The following GABRB1 variants were observed in gnomAD, a reference collection of about 807,000 sequenced individuals.
GABRB1 encodes the protein gamma-aminobutyric acid type A receptor subunit beta1, also known as gamma-aminobutyric acid receptor subunit beta-1.
Under a neutral mutation model 51.6 loss-of-function variants are expected in GABRB1, and 17 were observed. The ratio of observed to expected loss-of-function variants is 0.33; its 90% CI spans 0.23 to 0.49. The LOEUF (loss-of-function observed/expected upper bound fraction) is 0.49, where lower values mean the gene tolerates loss of function less well. Among genes scored for constraint, GABRB1 ranks in the 20% least tolerant of loss-of-function variants. GABRB1 has a pLI of 0.99. For missense variants in GABRB1, 410 were observed against 600.6 expected (o/e 0.68, Z 3.32); for synonymous variants, 247 against 218.9 (o/e 1.13, Z -1.14).
At chr4:47,372,245 G>T (rs1727221964) in intron 5 of GABRB1, among the ~76,000 whole-genome samples, 1 of 152,130 alleles carries the variant, frequency 6.6e-6, no homozygotes, top group Admixed American at 6.6e-5. Context: ...TCCGATAGTT[G>T]TAGTGTGCAG....
intron 5 of GABRB1, among the ~76,000 whole-genome samples, chr4:47,332,425 T>C (rs1408877171): frequency 6.6e-6 from 1 of 152,232 alleles, no homozygotes; most frequent in Non-Finnish European, 1.5e-5. Context: ...AATGGACATA[T>C]TCTTATGAGG....
At position 47,168,650 on chromosome 4, in the gene GABRB1, G is replaced by A. The variant is rs775546350; in HGVS notation, c.461+7181G>A. Among the ~76,000 whole-genome samples the A allele has an allele frequency of 3.9e-5, 6 of 152,058 alleles. No individual in the cohort carries two copies. The South Asian group carries it at 8.3e-4, about 21-fold the overall frequency. On this transcript the variant is annotated intron_variant, in intron 4 of 8. Transcript: ENST00000295454. The stretch of plus-strand genomic sequence containing the variant: ...GCCTGACTGTCTTCTTTGATGATAC[G>A]AAGATTGATGAGCAGATTCAGATAT...
chr4:47,029,450 A>G, upstream of GABRB1, among the ~76,000 whole-genome samples: 1 of 151,432 alleles, frequency 6.6e-6, no homozygotes, highest in Non-Finnish European at 1.5e-5. Context: ...TTTTCTGGTA[A>G]TTTCTTTATA....
intron 3 of GABRB1, among the ~76,000 whole-genome samples, chr4:47,135,173 G>A (rs78463942): frequency 0.032 from 4,892 of 152,140 alleles, 374 homozygotes; most frequent in East Asian, 0.17. Flanking sequence ...TTTTCTTCCT[G>A]GAAAAACTGG....
chr4:47,095,082 C>CT (rs962755375), intron 3 of GABRB1, among the ~76,000 whole-genome samples: 7 of 152,066 alleles, frequency 4.6e-5, no homozygotes, highest in African/African-American at 1.7e-4. Flanking sequence ...AGGAATAGGA[C>CT]TGTTACATGC....
chr4:47,406,899 G>A lies in GABRB1; in HGVS notation c.1053G>A (p.Lys351=). The A allele has an allele frequency of 1.2e-6, 2 of 1,613,918 alleles. No homozygotes were observed. Among genetic ancestry groups the A allele is most frequent in the Non-Finnish European group, 1.7e-6 (2 of 1,179,936 alleles). Residue 351 remains lysine (K), a synonymous_variant, in exon 8 of 9, where the codon AAG becomes AAA. Transcript: ENST00000295454. ...AACAAGACCAGAGTGCCAATGAGAAGAATAAACTGGAGATGAATAAAGTCC... is the reference window on the plus strand; with the variant it reads ...AACAAGACCAGAGTGCCAATGAGAAAAATAAACTGGAGATGAATAAAGTCC... ...ASKQDQSANE[K]NKLEMNKVQV... is the part of the protein sequence containing the mutation.
intron 3 of GABRB1, among the ~76,000 whole-genome samples, chr4:47,070,411 A>C (rs990123085): frequency 6.6e-6 from 1 of 151,200 alleles, no homozygotes; most frequent in East Asian, 1.9e-4. Flanking sequence ...ACCTGACTGC[A>C]ACCTCCACCT....
At chr4:47,398,690 T>C (rs1465688369) in intron 5 of GABRB1, among the ~76,000 whole-genome samples, 7 of 152,190 alleles carry the variant, frequency 4.6e-5, no homozygotes. Flanking sequence ...GTTCACGCCA[T>C]TCTCCTGCCT....
rs562487713 is a variant in GABRB1 at position 47,128,676 on chromosome 4, A to G, written c.241-32573A>G. On this transcript the variant is annotated intron_variant, in intron 3 of 8. Transcript: ENST00000295454. Reference sequence around the variant, plus strand: ...TTTCTTCATATTTCAGAGAGTTATAATATTTCAGAGTTTTGCCCCTTTTGA... The same window carrying G: ...TTTCTTCATATTTCAGAGAGTTATAGTATTTCAGAGTTTTGCCCCTTTTGA... Among the ~76,000 whole-genome samples, 190 of 152,138 alleles carry G rather than the reference A, an allele frequency of 1.2e-3. 2 individuals carry two copies. Among genetic ancestry groups the G allele is most frequent in the Non-Finnish European group, 1.9e-4 (13 of 67,906 alleles).
intron 4 of GABRB1, among the ~76,000 whole-genome samples, chr4:47,289,617 A>G (rs559566778): frequency 6.6e-6 from 1 of 152,330 alleles, no homozygotes; most frequent in Admixed American, 6.5e-5. Context: ...TGGAAGGAGC[A>G]TGGTCTTCCA....
intron 4 of GABRB1, among the ~76,000 whole-genome samples, chr4:47,291,319 CAGA>C (rs1356058722): frequency 6.6e-6 from 1 of 152,198 alleles, no homozygotes; most frequent in Non-Finnish European, 1.5e-5. Flanking sequence ...GCCTAGATTT[CAGA>C]AGATGTATGG....
At chr4:47,033,070 G>C (rs2236781) in intron 3 of GABRB1, 125,920 of 250,642 alleles carry the variant, frequency 0.5, 31,413 homozygotes, top group East Asian at 0.54. Flanking sequence ...GCCTGGGTAG[G>C]CTTGTATTGT....
chr4:47,112,891 A>G (rs1182274854), intron 3 of GABRB1, among the ~76,000 whole-genome samples: 1 of 152,188 alleles, frequency 6.6e-6, no homozygotes, highest in Non-Finnish European at 1.5e-5. Context: ...TCTCTAAGCT[A>G]AAAAGAAACC....
chr4:47,016,919 G>A (rs749394964), intron 1 of GABRB1, among the ~76,000 whole-genome samples: 1 of 152,104 alleles, frequency 6.6e-6, no homozygotes, highest in Non-Finnish European at 1.5e-5. Flanking sequence ...GCAAAATGAT[G>A]TTTTTCGGTT....
chr4:47,096,247 ATTACTGTTT>A (rs1382084347), intron 3 of GABRB1, among the ~76,000 whole-genome samples: 1 of 152,104 alleles, frequency 6.6e-6, no homozygotes, highest in African/African-American at 2.4e-5. Context: ...CTATTCCATT[ATTACTGTTT>A]TTCCTTCCCA....
intron 3 of GABRB1, among the ~76,000 whole-genome samples, chr4:47,112,531 A>G (rs1715269321): frequency 1.3e-5 from 2 of 152,226 alleles, no homozygotes; most frequent in South Asian, 4.1e-4. Context: ...TGATCCAACT[A>G]TTTAAAATTT....
chr4:47,115,659 G>A (rs1715445979), intron 3 of GABRB1, among the ~76,000 whole-genome samples: 1 of 151,420 alleles, frequency 6.6e-6, no homozygotes, highest in Admixed American at 6.6e-5. Context: ...TTAATACATT[G>A]AAAAAAAGTG....
chr4:47,269,831 T>C (rs928554887), intron 4 of GABRB1, among the ~76,000 whole-genome samples: 1 of 151,994 alleles, frequency 6.6e-6, no homozygotes, highest in Admixed American at 6.6e-5. Context: ...CAAATTCACA[T>C]AGCTAGAAGA....
rs192778907 is a variant in GABRB1 at position 47,013,656 on chromosome 4, T to C, written c.-19-18258T>C. ...ATTTATCTTCTTTGAATTCTATTCA[T>C]ATCCATTGTTCATTCTTTTATTGAC... On this transcript the variant is annotated intron_variant, in intron 1 of 3. Coordinates refer to the GABRB1 transcript ENST00000513567. Among the ~76,000 whole-genome samples the C allele has an allele frequency of 2.5e-3, 377 of 152,354 alleles. 6 individuals are homozygous for C. The highest frequency in any genetic ancestry group is 0.023 in the Admixed American group (355 of 15,304).
Sources: allele counts gnomAD v4.1 joint callset (sites outside exome capture counted in the v4.1 genomes callset), GRCh38; gene constraint gnomAD v4.1.1; transcripts MANE v1.5; gene names NCBI Gene and HGNC (gene_info 2026-07-23, HGNC 2026-07-21).